The following DPP6 variants were observed in gnomAD, a reference collection of about 807,000 sequenced individuals.
DPP6 encodes the protein A-type potassium channel modulatory protein DPP6.
DPP6 carries 69 observed loss-of-function variants against 122.6 expected under a neutral mutation model. That is an observed-to-expected ratio of 0.56 (90% CI 0.46 to 0.69). The LOEUF (loss-of-function observed/expected upper bound fraction) is 0.69, where lower values mean the gene tolerates loss of function less well. Among genes scored for constraint, DPP6 ranks in the 30% least tolerant of loss-of-function variants. DPP6 has a pLI of 0.00. For synonymous variants in DPP6, 418 were observed against 433.1 expected (o/e 0.97, Z 0.43); for missense variants, 928 against 1,116.9 (o/e 0.83, Z 2.41).
chr7:154,031,866 T>G (rs552734733), intron 1 of DPP6, among the ~76,000 whole-genome samples: 2 of 126,252 alleles, frequency 1.6e-5, no homozygotes, highest in South Asian at 5.1e-4. Flanking sequence ...TTTTTGTTTT[T>G]TTTTTTTTTT....
chr7:154,005,100 T>C (rs1797857577), intron 1 of DPP6, among the ~76,000 whole-genome samples: 1 of 152,174 alleles, frequency 6.6e-6, no homozygotes, highest in African/African-American at 2.4e-5. Flanking sequence ...GTAAGCAAGA[T>C]GCAAATTCTT....
At chr7:153,929,233 A>G (rs573124190) in intron 1 of DPP6, among the ~76,000 whole-genome samples, 3 of 152,148 alleles carry the variant, frequency 2.0e-5, no homozygotes, top group Non-Finnish European at 4.4e-5. Context: ...GTTCCTGCAC[A>G]CTAGGGAGGT....
chr7:154,413,312 TTTATGCAG>T (rs1177124733), intron 1 of DPP6, among the ~76,000 whole-genome samples: 2 of 152,268 alleles, frequency 1.3e-5, no homozygotes, highest in African/African-American at 4.8e-5. Context: ...CTACTGGGTT[TTTATGCAG>T]TTATGCAGAG....
the DPP6 span, among the ~76,000 whole-genome samples, chr7:153,766,393 G>A: frequency 6.6e-6 from 1 of 152,172 alleles, no homozygotes; most frequent in South Asian, 2.1e-4. Flanking sequence ...CAATACCAAC[G>A]TTCTATTTCT....
At position 153,957,276 on chromosome 7, in the gene DPP6, AC is replaced by A. The variant is rs548040802; in HGVS notation, c.51+69544del. ...AAGGTGTGAAGAGTCCAAGGACGCCACCTGCTCTTGCACTCCGAACCCTCCC... is the reference window on the plus strand; with the variant it reads ...AAGGTGTGAAGAGTCCAAGGACGCCACTGCTCTTGCACTCCGAACCCTCCC... On this transcript the variant is annotated intron_variant, in intron 1 of 25. Coordinates refer to the DPP6 transcript ENST00000404039. Among the ~76,000 whole-genome samples, 31 of 152,306 alleles carry A rather than the reference AC, an allele frequency of 2.0e-4. 1 individual carries two copies. In the South Asian group the frequency reaches 6.2e-3, roughly 31 times the overall value.
intron 1 of DPP6, among the ~76,000 whole-genome samples, chr7:154,423,209 CA>C (rs1817625329): frequency 1.3e-5 from 2 of 152,172 alleles, no homozygotes; most frequent in African/African-American, 4.8e-5. Flanking sequence ...ATTTGTACAG[CA>C]GTGACTGGGC....
intron 1 of DPP6, among the ~76,000 whole-genome samples, chr7:154,369,969 T>C (rs558383429): frequency 8.5e-6 from 1 of 116,984 alleles, no homozygotes; most frequent in African/African-American, 4.0e-5. Context: ...TATATGCATT[T>C]ATTTATTTAT....
chr7:154,394,237 C>T (rs1029875508), intron 1 of DPP6, among the ~76,000 whole-genome samples: 2 of 152,172 alleles, frequency 1.3e-5, no homozygotes, highest in African/African-American at 4.8e-5. Flanking sequence ...TCTCCACATC[C>T]TCACTAACTT....
intron 1 of DPP6, among the ~76,000 whole-genome samples, chr7:153,965,765 C>G (rs550940578): frequency 6.6e-6 from 1 of 151,986 alleles, no homozygotes. Flanking sequence ...CCCAGACAGG[C>G]GGATCACGAG....
At chr7:153,880,745 T>C in the DPP6 span, among the ~76,000 whole-genome samples, 2 of 152,204 alleles carry the variant, frequency 1.3e-5, no homozygotes, top group Non-Finnish European at 2.9e-5. Context: ...TTTTGGTTCA[T>C]ACCTGAGATG....
intron 5 of DPP6, among the ~76,000 whole-genome samples, chr7:154,609,469 T>G (rs900202462): frequency 1.3e-5 from 2 of 152,250 alleles, no homozygotes; most frequent in African/African-American, 4.8e-5. Flanking sequence ...TTTCTACAAC[T>G]GTATTTGTTT....
At chr7:154,154,730 G>C (rs1796595709) in intron 1 of DPP6, among the ~76,000 whole-genome samples, 4 of 152,174 alleles carry the variant, frequency 2.6e-5, no homozygotes, top group Admixed American at 2.6e-4. Context: ...AATGGCCATA[G>C]AATGTATGAG....
At chr7:154,113,458 A>G (rs1005834576) in intron 1 of DPP6, among the ~76,000 whole-genome samples, 13 of 152,208 alleles carry the variant, frequency 8.5e-5, no homozygotes, top group African/African-American at 3.1e-4. Flanking sequence ...ACCTACATAC[A>G]TATAGATATA....
intron 1 of DPP6, among the ~76,000 whole-genome samples, chr7:153,952,001 C>A (rs1413374674): frequency 1.3e-5 from 2 of 152,124 alleles, no homozygotes; most frequent in African/African-American, 4.8e-5. Context: ...CGAGATCGTG[C>A]CACTGCACTC....
At chr7:154,576,794 G>T (rs1289656330) in intron 5 of DPP6, among the ~76,000 whole-genome samples, 1 of 151,872 alleles carries the variant, frequency 6.6e-6, no homozygotes, top group Non-Finnish European at 1.5e-5. Flanking sequence ...ACCCTGGTAG[G>T]TGTCCCCTGG....
chr7:154,359,510 T>C (rs1811549900), intron 1 of DPP6, among the ~76,000 whole-genome samples: 1 of 152,186 alleles, frequency 6.6e-6, no homozygotes, highest in Non-Finnish European at 1.5e-5. Context: ...CCTTATTCTT[T>C]ATGGCACCAT....
Position 154,880,927 on chromosome 7 carries a change from G to A in DPP6, c.2118G>A (p.Val706=), listed in dbSNP as rs371753719. ...LKEQYIDRTR[V]AVFGKDYGGY... Reference sequence around the variant, plus strand: ...AGCAGTACATTGACAGGACGCGCGTGGCCGTGTTTGGGAAGGTGAGTCTGC... The same window carrying A: ...AGCAGTACATTGACAGGACGCGCGTAGCCGTGTTTGGGAAGGTGAGTCTGC... Residue 706 remains valine, a synonymous_variant, in exon 21 of 26, where the codon GTG becomes GTA. Coordinates refer to ENST00000377770, the MANE Select transcript of DPP6 (RefSeq NM_130797.4). The A allele has an allele frequency of 5.0e-6, 8 of 1,613,930 alleles. No individual in the cohort carries two copies. The highest frequency in any genetic ancestry group is 2.2e-5 in the East Asian group (1 of 44,866).
chr7:154,689,159 C>T (rs565857276), intron 7 of DPP6, among the ~76,000 whole-genome samples: 6 of 152,326 alleles, frequency 3.9e-5, no homozygotes, highest in African/African-American at 1.4e-4. Context: ...ATGCAACCCT[C>T]GCCTTCTAGC....
chr7:154,238,900 A>G (rs1210696854), intron 1 of DPP6, among the ~76,000 whole-genome samples: 1 of 152,234 alleles, frequency 6.6e-6, no homozygotes, highest in African/African-American at 2.4e-5. Context: ...TCGGGCTTCA[A>G]ATATAAATCA....
Sources: gnomAD v4.1 joint callset for allele counts (sites outside exome capture counted in the v4.1 genomes callset) on GRCh38, gnomAD v4.1.1 for gene constraint, MANE v1.5 for transcripts, NCBI Gene and HGNC (gene_info 2026-07-23, HGNC 2026-07-21) for gene names.